Variants in PTPRM observed in about 807,000 individuals in gnomAD.
PTPRM encodes the protein protein tyrosine phosphatase receptor type M, also known as receptor-type tyrosine-protein phosphatase mu.
Under a neutral mutation model 186.7 loss-of-function variants are expected in PTPRM, and 47 were observed. The observed-to-expected ratio is 0.25, with a 90% confidence interval of 0.20 to 0.32. The LOEUF (loss-of-function observed/expected upper bound fraction) is 0.32. Among genes scored for constraint, PTPRM ranks in the 10% least tolerant of loss-of-function variants. The pLI, the probability that PTPRM is intolerant of heterozygous loss-of-function variation, is 1.00. For missense variants in PTPRM, 1,494 were observed against 1,865.0 expected (o/e 0.80, Z 3.66); for synonymous variants, 668 against 674.9 (o/e 0.99, Z 0.16).
At chr18:8,158,422 G>A (rs914140160) in intron 14 of PTPRM, among the ~76,000 whole-genome samples, 5 of 152,070 alleles carry the variant, frequency 3.3e-5, no homozygotes, top group African/African-American at 7.2e-5. Context: ...TGGGATGATC[G>A]TTTAAACTTG....
rs766949551 is a variant in PTPRM at position 8,253,393 on chromosome 18, C to T, written c.2733C>T (p.Tyr911=). ...HITQMKCAEG[Y]GFKEEYESFF... ...CACAGATGAAGTGTGCGGAGGGCTACGGCTTCAAGGAGGAATACGAGGTGA... is the reference window on the plus strand; with the variant it reads ...CACAGATGAAGTGTGCGGAGGGCTATGGCTTCAAGGAGGAATACGAGGTGA... The change falls in exon 19 of 33, where the codon TAC becomes TAT. Residue 911 remains tyrosine (Y), a synonymous_variant. Coordinates refer to ENST00000580170, the MANE Select transcript of PTPRM (RefSeq NM_001105244.2). 98 of 1,540,350 alleles carry T rather than the reference C, an allele frequency of 6.4e-5. No individual in the cohort carries two copies. In the East Asian group the frequency reaches 1.2e-3, roughly 19 times the overall value.
At chr18:8,066,156 CAA>C (rs2089056078) in intron 7 of PTPRM, among the ~76,000 whole-genome samples, 1 of 152,034 alleles carries the variant, frequency 6.6e-6, no homozygotes, top group African/African-American at 2.4e-5. Flanking sequence ...AAAGTAAAAA[CAA>C]AGAAGCATTG....
chr18:7,959,809 TG>T (rs1443594515), intron 7 of PTPRM, among the ~76,000 whole-genome samples: 1 of 152,210 alleles, frequency 6.6e-6, no homozygotes, highest in African/African-American at 2.4e-5. Flanking sequence ...CCTGTCAATA[TG>T]GGTTATTGTA....
chr18:7,705,301 A>G lies in PTPRM; in HGVS notation c.74-68848A>G, dbSNP rs145418505. On this transcript the variant is annotated intron_variant, in intron 1 of 32. Coordinates refer to ENST00000580170, the MANE Select transcript of PTPRM (RefSeq NM_001105244.2). ...TATTTATCTATCTATCTATCTATCT[A>G]TCTATCTATCTATCTATCTATCTAT... Among the ~76,000 whole-genome samples, 924 of 151,426 alleles carry G rather than the reference A, an allele frequency of 6.1e-3. 12 individuals carry two copies. Among genetic ancestry groups the G allele is most frequent in the African/African-American group, 0.022 (900 of 41,168 alleles).
chr18:8,331,820 AC>A (rs112639806), intron 22 of PTPRM, among the ~76,000 whole-genome samples: 1,663 of 152,290 alleles, frequency 0.011, 26 homozygotes, highest in African/African-American at 0.038. Flanking sequence ...TGGAAAGACA[AC>A]AGCTGCATCC....
chr18:8,210,893 T>A (rs1036843913), intron 14 of PTPRM, among the ~76,000 whole-genome samples: 1 of 152,094 alleles, frequency 6.6e-6, no homozygotes, highest in Non-Finnish European at 1.5e-5. Context: ...GTAAATAAAG[T>A]GTTCTAAGGA....
intron 31 of PTPRM, among the ~76,000 whole-genome samples, chr18:8,390,592 T>G (rs1176201436): frequency 6.6e-6 from 1 of 152,088 alleles, no homozygotes; most frequent in Non-Finnish European, 1.5e-5. Flanking sequence ...ACAACTCAAT[T>G]TATTAAATGG....
chr18:8,390,406 AT>A (rs536375332), intron 31 of PTPRM, among the ~76,000 whole-genome samples: 152 of 152,384 alleles, frequency 1.0e-3, no homozygotes, highest in African/African-American at 3.6e-3. Context: ...CTTAAAAGAA[AT>A]ATTGACAACG....
chr18:8,030,314 C>T (rs1394975349), intron 7 of PTPRM, among the ~76,000 whole-genome samples: 5 of 152,160 alleles, frequency 3.3e-5, no homozygotes, highest in Non-Finnish European at 7.3e-5. Flanking sequence ...AGCTGGGTAA[C>T]AAGTAATTGT....
chr18:7,966,479 C>T (rs1013316984), intron 7 of PTPRM, among the ~76,000 whole-genome samples: 3 of 152,052 alleles, frequency 2.0e-5, no homozygotes, highest in Non-Finnish European at 4.4e-5. Flanking sequence ...GGAACAGCTC[C>T]GGTCTACAGC....
intron 1 of PTPRM, among the ~76,000 whole-genome samples, chr18:7,610,075 A>AAGACAACAC (rs2037634540): frequency 6.6e-6 from 1 of 152,202 alleles, no homozygotes; most frequent in African/African-American, 2.4e-5. Context: ...AGGAAAGAAC[A>AAGACAACAC]AGACAACACC....
intron 19 of PTPRM, chr18:8,270,460 G>T (rs1045698045): frequency 6.6e-6 from 1 of 152,076 alleles, no homozygotes; most frequent in Non-Finnish European, 1.5e-5. Flanking sequence ...TGCATTGTTG[G>T]TGAGAATGTA....
intron 7 of PTPRM, among the ~76,000 whole-genome samples, chr18:8,018,706 T>C (rs2085028071): frequency 6.6e-6 from 1 of 152,212 alleles, no homozygotes; most frequent in Non-Finnish European, 1.5e-5. Context: ...TTGGATTTTC[T>C]TTCAACCTTT....
intron 11 of PTPRM, among the ~76,000 whole-genome samples, chr18:8,100,315 A>G (rs1489838504): frequency 6.6e-6 from 1 of 152,002 alleles, no homozygotes; most frequent in Non-Finnish European, 1.5e-5. Flanking sequence ...CTAATTTTGT[A>G]TTTTTAGTAG....
chr18:8,042,628 C>T (rs940275938), intron 7 of PTPRM, among the ~76,000 whole-genome samples: 2 of 152,014 alleles, frequency 1.3e-5, no homozygotes, highest in African/African-American at 2.4e-5. Flanking sequence ...TCTCCCCTAC[C>T]CTTGAGCTTC....
At chr18:7,798,438 A>G (rs1019405322) in intron 2 of PTPRM, among the ~76,000 whole-genome samples, 26 of 151,986 alleles carry the variant, frequency 1.7e-4, no homozygotes, top group Non-Finnish European at 3.4e-4. Context: ...CTGAGGCAGG[A>G]GAATTGTTTG....
intron 2 of PTPRM, among the ~76,000 whole-genome samples, chr18:7,885,610 C>T (rs2048744967): frequency 6.6e-6 from 1 of 152,144 alleles, no homozygotes; most frequent in Non-Finnish European, 1.5e-5. Context: ...AGTTAATCTG[C>T]ACTACAGAAG....
At chr18:8,080,708 G>A (rs191822327) in intron 9 of PTPRM, among the ~76,000 whole-genome samples, 10 of 152,286 alleles carry the variant, frequency 6.6e-5, no homozygotes, top group Admixed American at 3.9e-4. Flanking sequence ...TAGGGGCCAT[G>A]TTAAGAAGTT....
At chr18:7,614,928 C>T (rs1319180844) in intron 1 of PTPRM, among the ~76,000 whole-genome samples, 2 of 151,948 alleles carry the variant, frequency 1.3e-5, no homozygotes, top group Non-Finnish European at 2.9e-5. Context: ...TTTTTTGAAC[C>T]GTTTTACTTT....
Sources: allele counts gnomAD v4.1 joint callset (sites outside exome capture counted in the v4.1 genomes callset), GRCh38; gene constraint gnomAD v4.1.1; transcripts MANE v1.5; gene names NCBI Gene and HGNC (gene_info 2026-07-23, HGNC 2026-07-21).